ABCC12: variants seen among roughly 807,000 people sequenced by gnomAD.
ABCC12 encodes the protein ATP-binding cassette sub-family C member 12.
Under a neutral mutation model 151.1 loss-of-function variants are expected in ABCC12, and 142 were observed. That is an observed-to-expected ratio of 0.94 (90% confidence interval 0.82 to 1.08). The LOEUF (loss-of-function observed/expected upper bound fraction) is 1.08, where lower values mean the gene tolerates loss of function less well. Ranked by LOEUF, ABCC12 falls within the 50% of genes least tolerant of loss-of-function variation. The pLI is 0.00. For missense variants in ABCC12, 1,638 were observed against 1,691.1 expected, an observed-to-expected ratio of 0.97 and a Z score of 0.55; for synonymous variants, 645 against 646.4, an observed-to-expected ratio of 1.00 and a Z score of 0.03.
intron 20 of ABCC12, 28 bp from the exon 21 acceptor site, chr16:48,105,364 A>C: frequency 6.4e-7 from 1 of 1,570,616 alleles, no homozygotes; most frequent in Non-Finnish European, 8.6e-7. Context: ...AGAAGCACCA[A>C]GAATTGATAA....
intron 12 of ABCC12, among the ~76,000 whole-genome samples, chr16:48,123,310 CTCA>C (rs1964133119): frequency 6.6e-6 from 1 of 152,092 alleles, no homozygotes. Context: ...CTCACGCTGA[CTCA>C]TCATGGAGGC....
chr16:48,154,476 G>T (rs1965157649), intron 1 of ABCC12, among the ~76,000 whole-genome samples: 1 of 152,116 alleles, frequency 6.6e-6, no homozygotes, highest in Non-Finnish European at 1.5e-5. Flanking sequence ...CCCCTCCTGG[G>T]CAGGGTATAC....
rs181591694 is a variant in ABCC12 at position 48,114,647 on chromosome 16, C to G, written c.1989+768G>C. Among the ~76,000 whole-genome samples, 429 of 152,300 alleles carry G rather than the reference C, an allele frequency of 2.8e-3. 2 individuals are homozygous for G. The highest frequency in any genetic ancestry group is 9.9e-3 in the African/African-American group (411 of 41,550). On this transcript the variant is annotated intron_variant, in intron 15 of 30. Coordinates refer to ENST00000311303, the MANE Select transcript of ABCC12 (RefSeq NM_001393797.1). ...ACGTGCACACACATGCACTGCCCCC[C>G]CTTCCCCCACACATCTCTGGGGATT...
At chr16:48,144,128 G>C in intron 3 of ABCC12, 63 bp from the exon 4 acceptor site, 19 of 1,546,022 alleles carry the variant, frequency 1.2e-5, no homozygotes, top group Non-Finnish European at 1.7e-5. Flanking sequence ...CTCTCTCTCT[G>C]GATTGAACTT....
chr16:48,087,062 C>T (rs1405957628), intron 27 of ABCC12: 4 of 439,456 alleles, frequency 9.1e-6, no homozygotes, highest in African/African-American at 7.9e-5. Context: ...ACAGGTGGAA[C>T]CCTGCCGAGA....
chr16:48,117,916 G>A (rs956018845), intron 13 of ABCC12, among the ~76,000 whole-genome samples: 2 of 152,222 alleles, frequency 1.3e-5, no homozygotes, highest in African/African-American at 4.8e-5. Flanking sequence ...ATACTGAGTC[G>A]AAGGGAATGG....
intron 9 of ABCC12, 127 bp from the exon 10 acceptor site, chr16:48,131,022 C>T (rs757936589): frequency 2.2e-5 from 14 of 643,846 alleles, no homozygotes; most frequent in South Asian, 1.1e-4. Flanking sequence ...TGCAGAGGAA[C>T]AATCTTTTCA....
At chr16:48,154,872 C>T (rs1965163389) in intron 1 of ABCC12, among the ~76,000 whole-genome samples, 1 of 152,254 alleles carries the variant, frequency 6.6e-6, no homozygotes, top group Non-Finnish European at 1.5e-5. Flanking sequence ...TACAGCCCTA[C>T]TTCTTTCTTA....
At chr16:48,138,458 T>G (rs1340835247) in intron 7 of ABCC12, 83 bp from the exon 8 acceptor site, 4 of 1,484,012 alleles carry the variant, frequency 2.7e-6, no homozygotes, top group Non-Finnish European at 3.6e-6. Flanking sequence ...GGAGTGTAAG[T>G]GCCAGAAAAA....
Position 48,082,112 on chromosome 16 carries a change from C to T in ABCC12, c.*1603G>A, listed in dbSNP as rs185743951. 8.9e-4 allele frequency among the ~76,000 whole-genome samples: 136 copies of T among 152,138 alleles called. 1 individual carries two copies. The highest frequency in any genetic ancestry group is 3.2e-3 in the African/African-American group (134 of 41,496). On this transcript the variant is annotated 3_prime_UTR_variant, in exon 31 of 31. Coordinates refer to ENST00000311303, the MANE Select transcript of ABCC12 (RefSeq NM_001393797.1). ...CAGATCAGGCAAAGATACACTGTGT[C>T]CCTTCACAGAGAGATCCACACTTGG...
intron 15 of ABCC12, among the ~76,000 whole-genome samples, chr16:48,113,938 C>T (rs1047173101): frequency 1.3e-5 from 2 of 152,192 alleles, no homozygotes; most frequent in South Asian, 4.1e-4. Context: ...ACAGCCCTCC[C>T]TGCTGCAGGG....
intron 18 of ABCC12, among the ~76,000 whole-genome samples, chr16:48,109,798 G>C (rs1281383558): frequency 6.6e-6 from 1 of 152,240 alleles, no homozygotes; most frequent in Non-Finnish European, 1.5e-5. Flanking sequence ...GCAGCCCGCA[G>C]GCTGGGGCAG....
At chr16:48,147,703 C>T (rs1381991806) in intron 2 of ABCC12, among the ~76,000 whole-genome samples, 2 of 152,120 alleles carry the variant, frequency 1.3e-5, no homozygotes, top group East Asian at 1.9e-4. Flanking sequence ...ACTGATGTTC[C>T]CTCCCTCCTC....
intron 24 of ABCC12, among the ~76,000 whole-genome samples, chr16:48,093,861 T>G (rs1962999760): frequency 6.6e-6 from 1 of 152,256 alleles, no homozygotes; most frequent in Non-Finnish European, 1.5e-5. Context: ...GATGTCACTT[T>G]GCATTCACTT....
intron 15 of ABCC12, 26 bp downstream of exon 15, chr16:48,115,389 C>T (rs748381601): frequency 6.2e-7 from 1 of 1,610,618 alleles, no homozygotes; most frequent in South Asian, 1.1e-5. Context: ...ATCCCGTGAC[C>T]TCCTGGATCC....
At chr16:48,106,623 A>G (rs1442127863) in intron 20 of ABCC12, among the ~76,000 whole-genome samples, 1 of 152,088 alleles carries the variant, frequency 6.6e-6, no homozygotes, top group Admixed American at 6.5e-5. Flanking sequence ...CCCTGCCCCC[A>G]TCTCCCCAGT....
chr16:48,095,095 C>T (rs933150121), intron 24 of ABCC12, among the ~76,000 whole-genome samples: 7 of 152,224 alleles, frequency 4.6e-5, no homozygotes, highest in Non-Finnish European at 1.0e-4. Flanking sequence ...GCTTTGTCCC[C>T]ACACAAATCA....
rs1379939482 is a variant in ABCC12, at chr16:48,115,344, G to A, written c.1989+71C>T. 2.6e-6 allele frequency: 4 copies of A among 1,511,694 alleles called. No individual in the cohort carries two copies. In the East Asian group the frequency reaches 9.1e-5, roughly 34 times the overall value. The allele number at this position is 1,511,694 out of a possible 1,614,324, so 93.6% of individuals were successfully genotyped here. On this transcript the variant is annotated intron_variant, in intron 15 of 30. Coordinates refer to ENST00000311303, the MANE Select transcript of ABCC12 (RefSeq NM_001393797.1). ...AGACAGGCAGATATAGGCAGAAGAG[G>A]AGGCTCTGTGAGCATCAGATCCCCA...
chr16:48,111,993 T>C (rs573044825), intron 15 of ABCC12, 83 bp from the exon 16 acceptor site: 1 of 1,518,594 alleles, frequency 6.6e-7, no homozygotes, highest in Non-Finnish European at 8.9e-7. Context: ...TAGTTACCAC[T>C]GTTGACTTTA....
Sources: gnomAD v4.1 joint callset for allele counts (sites outside exome capture counted in the v4.1 genomes callset) on GRCh38, gnomAD v4.1.1 for gene constraint, MANE v1.5 for transcripts, NCBI Gene and HGNC (gene_info 2026-07-23, HGNC 2026-07-21) for gene names.